ROBO1: variants seen among roughly 807,000 people sequenced by gnomAD.
ROBO1 encodes roundabout guidance receptor 1, also known as roundabout homolog 1.
ROBO1 carries 149 observed loss-of-function variants against 195.9 expected under a neutral mutation model. The observed-to-expected ratio is 0.76, with a 90% CI of 0.67 to 0.87. The LOEUF (loss-of-function observed/expected upper bound fraction) is 0.87, where lower values mean the gene tolerates loss of function less well. Ranked by LOEUF, ROBO1 falls within the 40% of genes least tolerant of loss-of-function variation. The probability of loss-of-function intolerance (pLI) is 0.00; values close to 1 mark genes in which losing one functional copy is unlikely to be tolerated. For synonymous variants in ROBO1, 816 were observed against 733.2 expected, an observed-to-expected ratio of 1.11 and a Z score of -1.82; for missense variants, 1,933 against 2,068.3, an observed-to-expected ratio of 0.93 and a Z score of 1.27.
At chr3:78,858,337 TTGA>T (rs2034575930) in intron 4 of ROBO1, among the ~76,000 whole-genome samples, 1 of 152,050 alleles carries the variant, frequency 6.6e-6, no homozygotes, top group Admixed American at 6.6e-5. Context: ...AGGCAGACTG[TTGA>T]TGATGAACTA....
chr3:78,904,725 TATATATGC>T (rs921743382), intron 4 of ROBO1, among the ~76,000 whole-genome samples: 22 of 150,268 alleles, frequency 1.5e-4, no homozygotes, highest in Non-Finnish European at 3.1e-4. Flanking sequence ...TGTATATGTA[TATATATGC>T]ATATATGTAT....
rs977196812 is a variant in ROBO1, at chr3:78,603,057, A to G, written c.4745-2748T>C. 1.1e-4 allele frequency among the ~76,000 whole-genome samples: 17 copies of G among 152,238 alleles called. 1 individual carries two copies. Among genetic ancestry groups the G allele is most frequent in the African/African-American group, 3.9e-4 (16 of 41,548 alleles). On this transcript the variant is annotated intron_variant, in intron 29 of 30. Coordinates refer to ENST00000464233, the MANE Select transcript of ROBO1 (RefSeq NM_002941.4). The stretch of plus-strand genomic sequence containing the variant: ...CTGAGTCACCCATTCTTGCTCCTAT[A>G]ACATGGTTTATATTTTCTACATTTC...
Position 79,385,461 on chromosome 3 carries a change from TCATC to T in ROBO1, c.88+204359_88+204362del, listed in dbSNP as rs539735788. On this transcript the variant is annotated intron_variant, in intron 2 of 30. Coordinates refer to ENST00000464233, the MANE Select transcript of ROBO1 (RefSeq NM_002941.4). ...CAGGATTTTTAAAAATAACTCAGTATCATCATTGTAATGTTACACTACTGCACAA... is the reference window on the plus strand; with the variant it reads ...CAGGATTTTTAAAAATAACTCAGTATATTGTAATGTTACACTACTGCACAA... 4.0e-3 allele frequency among the ~76,000 whole-genome samples: 611 copies of T among 152,198 alleles called. 4 individuals are homozygous for T. Among genetic ancestry groups the T allele is most frequent in the African/African-American group, 0.014 (571 of 41,548 alleles).
chr3:79,685,437 T>C (rs1947074546), intron 1 of ROBO1, among the ~76,000 whole-genome samples: 1 of 152,210 alleles, frequency 6.6e-6, no homozygotes, highest in South Asian at 2.1e-4. Flanking sequence ...ACCCAGCTTT[T>C]GCTTTTAAGT....
At chr3:78,740,596 C>T (rs1016564799) in intron 5 of ROBO1, among the ~76,000 whole-genome samples, 7 of 151,662 alleles carry the variant, frequency 4.6e-5, no homozygotes, top group African/African-American at 1.2e-4. Context: ...CTCAGACTCC[C>T]GAGTAGCTGG....
intron 3 of ROBO1, among the ~76,000 whole-genome samples, chr3:78,946,695 G>A (rs1250861615): frequency 7.2e-5 from 11 of 152,118 alleles, no homozygotes; most frequent in African/African-American, 1.2e-4. Context: ...ATGTAAATGG[G>A]CTAAATGCTC....
intron 3 of ROBO1, among the ~76,000 whole-genome samples, chr3:79,010,924 C>A (rs373653082): frequency 1.3e-5 from 2 of 152,248 alleles, no homozygotes; most frequent in East Asian, 1.9e-4. Context: ...TTACTAAATT[C>A]ATTCATTTTA....
intron 3 of ROBO1, among the ~76,000 whole-genome samples, chr3:79,029,921 A>G (rs965851684): frequency 1.3e-5 from 2 of 152,222 alleles, no homozygotes; most frequent in South Asian, 2.1e-4. Flanking sequence ...TTGTAAACGC[A>G]ACAGTGGAAG....
intron 3 of ROBO1, among the ~76,000 whole-genome samples, chr3:79,004,913 T>C (rs1485081386): frequency 6.6e-6 from 1 of 152,060 alleles, no homozygotes; most frequent in Non-Finnish European, 1.5e-5. Flanking sequence ...GGAGAAGAAA[T>C]AGAGTTACGG....
At chr3:78,744,355 T>C (rs2082604248) in intron 5 of ROBO1, among the ~76,000 whole-genome samples, 1 of 152,172 alleles carries the variant, frequency 6.6e-6, no homozygotes, top group South Asian at 2.1e-4. Flanking sequence ...CTTACCCAGA[T>C]TACCCTGAGA....
At chr3:79,653,638 A>T (rs1203274894) in intron 1 of ROBO1, among the ~76,000 whole-genome samples, 1 of 151,878 alleles carries the variant, frequency 6.6e-6, no homozygotes, top group Non-Finnish European at 1.5e-5. Context: ...AGTGTCTTAG[A>T]TTGTTGAAAG....
chr3:79,602,846 G>A (rs1485598205), intron 1 of ROBO1, among the ~76,000 whole-genome samples: 1 of 151,888 alleles, frequency 6.6e-6, no homozygotes, highest in Non-Finnish European at 1.5e-5. Flanking sequence ...TGCTTTCTTT[G>A]GGCAAGCTTT....
chr3:79,096,931 G>A (rs1236347813), intron 3 of ROBO1, among the ~76,000 whole-genome samples: 6 of 151,524 alleles, frequency 4.0e-5, no homozygotes. Flanking sequence ...AAGTTTGGCA[G>A]GAGGCATAGA....
intron 2 of ROBO1, among the ~76,000 whole-genome samples, chr3:79,347,256 A>T (rs1196218466): frequency 3.3e-5 from 5 of 152,216 alleles, no homozygotes; most frequent in African/African-American, 9.6e-5. Flanking sequence ...TAAAGAAAAA[A>T]AGCCATAATG....
intron 2 of ROBO1, among the ~76,000 whole-genome samples, chr3:79,512,214 C>T (rs995686282): frequency 2.0e-5 from 3 of 151,984 alleles, no homozygotes; most frequent in African/African-American, 2.4e-5. Flanking sequence ...AGAGATAACT[C>T]GAAGTGATTC....
intron 2 of ROBO1, among the ~76,000 whole-genome samples, chr3:79,386,615 G>GA (rs1428576556): frequency 6.6e-6 from 1 of 152,114 alleles, no homozygotes; most frequent in Admixed American, 6.6e-5. Context: ...TAACATGGAT[G>GA]AAAGTGCAGA....
At chr3:78,862,373 T>C (rs2034905071) in intron 4 of ROBO1, among the ~76,000 whole-genome samples, 1 of 152,164 alleles carries the variant, frequency 6.6e-6, no homozygotes, top group African/African-American at 2.4e-5. Context: ...TTGAATGAAT[T>C]TGGAAGTGAA....
chr3:78,987,151 A>T (rs2108028788), intron 3 of ROBO1, among the ~76,000 whole-genome samples: 1 of 151,102 alleles, frequency 6.6e-6, no homozygotes, highest in East Asian at 1.9e-4. Context: ...TTTGTGCCAT[A>T]AACACAGGGT....
intron 3 of ROBO1, among the ~76,000 whole-genome samples, chr3:79,055,514 C>T (rs988008569): frequency 6.6e-6 from 1 of 152,034 alleles, no homozygotes; most frequent in Admixed American, 6.6e-5. Context: ...TACCAGAGCA[C>T]ATTTATCTTG....
Sources: gnomAD v4.1 joint callset for allele counts (sites outside exome capture counted in the v4.1 genomes callset) on GRCh38, gnomAD v4.1.1 for gene constraint, MANE v1.5 for transcripts, NCBI Gene and HGNC (gene_info 2026-07-23, HGNC 2026-07-21) for gene names.